The following MALRD1 variants were observed in gnomAD, a reference collection of about 807,000 sequenced individuals.
MALRD1 encodes MAM and LDL receptor class A domain containing 1, also known as MAM and LDL-receptor class A domain-containing protein 1.
MALRD1 carries 247 observed loss-of-function variants against 242.1 expected under a neutral mutation model. The observed-to-expected ratio is 1.02, with a 90% confidence interval of 0.92 to 1.13. The LOEUF (loss-of-function observed/expected upper bound fraction) is 1.13, where lower values mean the gene tolerates loss of function less well. MALRD1 is among the 50% of genes most tolerant of loss of function. The probability of loss-of-function intolerance (pLI) is 0.00; values close to 1 mark genes in which losing one functional copy is unlikely to be tolerated. For missense variants in MALRD1, 2,989 were observed against 2,533.1 expected, an observed-to-expected ratio of 1.18 and a Z score of -3.86; for synonymous variants, 995 against 866.6, an observed-to-expected ratio of 1.15 and a Z score of -2.60.
intron 5 of MALRD1, among the ~76,000 whole-genome samples, chr10:19,112,343 A>G (rs1007590205): frequency 6.6e-6 from 1 of 151,982 alleles, no homozygotes; most frequent in African/African-American, 2.4e-5. Context: ...GGAGCATCGG[A>G]GACATGCCGT....
At chr10:19,651,593 G>T (rs758379663) in intron 36 of MALRD1, among the ~76,000 whole-genome samples, 6 of 152,140 alleles carry the variant, frequency 3.9e-5, no homozygotes, top group Non-Finnish European at 5.9e-5. Flanking sequence ...GCATTATTAT[G>T]TACAAGGACC....
intron 14 of MALRD1, among the ~76,000 whole-genome samples, chr10:19,178,514 G>A (rs1835354981): frequency 6.6e-6 from 1 of 152,090 alleles, no homozygotes; most frequent in African/African-American, 2.4e-5. Context: ...TCTTTAACAG[G>A]CATACAAATG....
intron 31 of MALRD1, among the ~76,000 whole-genome samples, chr10:19,524,694 A>G (rs1287006944): frequency 2.0e-5 from 3 of 151,070 alleles, no homozygotes; most frequent in African/African-American, 7.4e-5. Flanking sequence ...TTTAAAAACT[A>G]TTAGCCAGCT....
intron 28 of MALRD1, among the ~76,000 whole-genome samples, chr10:19,441,362 AT>A (rs1284088900): frequency 3.9e-5 from 6 of 152,024 alleles, no homozygotes; most frequent in Admixed American, 6.6e-5. Flanking sequence ...CCATTTGTCA[AT>A]TTTGGCTTTT....
chr10:19,146,167 C>G, intron 10 of MALRD1, 31 bp from the exon 11 acceptor site: 4 of 1,231,314 alleles, frequency 3.2e-6, no homozygotes, highest in Non-Finnish European at 4.1e-6. Flanking sequence ...CTTCATTTCT[C>G]CTCACCTGTT....
At chr10:19,347,062 T>C (rs1022713977) in intron 24 of MALRD1, among the ~76,000 whole-genome samples, 97 of 152,270 alleles carry the variant, frequency 6.4e-4, no homozygotes, top group African/African-American at 2.3e-3. Flanking sequence ...CAATGCTCAG[T>C]TTTATAACAT....
chr10:19,397,636 T>A (rs1846641343), intron 28 of MALRD1, among the ~76,000 whole-genome samples: 1 of 152,108 alleles, frequency 6.6e-6, no homozygotes, highest in African/African-American at 2.4e-5. Context: ...TAGCTCTGTT[T>A]AAATTTTTTT....
At chr10:19,297,496 AT>A (rs1158767721) in intron 21 of MALRD1, among the ~76,000 whole-genome samples, 2 of 151,860 alleles carry the variant, frequency 1.3e-5, no homozygotes, top group African/African-American at 4.8e-5. Flanking sequence ...AAGAGTATAG[AT>A]CATCATGGCT....
chr10:19,627,903 C>T (rs1044381116), intron 36 of MALRD1, among the ~76,000 whole-genome samples: 1 of 151,014 alleles, frequency 6.6e-6, no homozygotes, highest in African/African-American at 2.4e-5. Context: ...ATAAACTAGA[C>T]ACACATTATT....
At chr10:19,532,783 G>C (rs1834482963) in intron 32 of MALRD1, among the ~76,000 whole-genome samples, 1 of 152,072 alleles carries the variant, frequency 6.6e-6, no homozygotes, top group Non-Finnish European at 1.5e-5. Flanking sequence ...TAAAACAACA[G>C]AGAAAGAGGT....
At chr10:19,255,124 C>T (rs541260710) in intron 18 of MALRD1, among the ~76,000 whole-genome samples, 2 of 151,938 alleles carry the variant, frequency 1.3e-5, no homozygotes, top group Non-Finnish European at 2.9e-5. Context: ...CTTGGATGAG[C>T]TGGTTTACTT....
At chr10:19,235,352 T>G (rs72788021) in intron 18 of MALRD1, among the ~76,000 whole-genome samples, 11,886 of 150,522 alleles carry the variant, frequency 0.079, 607 homozygotes, top group Non-Finnish European at 0.11. Flanking sequence ...TTGATTTGCA[T>G]TTTTCTGATG....
chr10:19,260,243 T>C (rs1337331194), intron 19 of MALRD1, among the ~76,000 whole-genome samples: 1 of 152,068 alleles, frequency 6.6e-6, no homozygotes, highest in African/African-American at 2.4e-5. Context: ...AGCGTGTAGG[T>C]TGGCATAGAG....
chr10:19,109,936 G>C (rs1223569104), intron 5 of MALRD1, among the ~76,000 whole-genome samples: 1 of 152,334 alleles, frequency 6.6e-6, no homozygotes, highest in African/African-American at 2.4e-5. Context: ...GATGGGGGAT[G>C]CTGGGGGCCT....
chr10:19,355,981 C>T (rs1844620302), intron 26 of MALRD1, among the ~76,000 whole-genome samples: 1 of 149,594 alleles, frequency 6.7e-6, no homozygotes, highest in Non-Finnish European at 1.5e-5. Flanking sequence ...ATATAAGTCA[C>T]TCTAAATATT....
intron 19 of MALRD1, among the ~76,000 whole-genome samples, chr10:19,279,332 AC>A (rs1362073635): frequency 1.3e-5 from 2 of 152,212 alleles, no homozygotes; most frequent in African/African-American, 4.8e-5. Context: ...AGGGGCTCAC[AC>A]AACCCGTTCT....
intron 38 of MALRD1, among the ~76,000 whole-genome samples, chr10:19,697,530 G>T (rs1201939925): frequency 6.6e-6 from 1 of 152,112 alleles, no homozygotes; most frequent in Non-Finnish European, 1.5e-5. Context: ...GCCTAGCCAA[G>T]TTAACACAAA....
intron 2 of MALRD1, among the ~76,000 whole-genome samples, chr10:19,074,398 G>A (rs1056882145): frequency 6.6e-6 from 1 of 152,078 alleles, no homozygotes; most frequent in Non-Finnish European, 1.5e-5. Context: ...TCATTGTTAA[G>A]CTAATAATGC....
chr10:19,328,630 G>A (rs1479245427), intron 23 of MALRD1, among the ~76,000 whole-genome samples: 2 of 152,054 alleles, frequency 1.3e-5, no homozygotes, highest in Non-Finnish European at 2.9e-5. Context: ...GGAGTATACA[G>A]GCTTCCATTG....
Sources: gnomAD v4.1 joint callset for allele counts (sites outside exome capture counted in the v4.1 genomes callset) on GRCh38, gnomAD v4.1.1 for gene constraint, MANE v1.5 for transcripts, NCBI Gene and HGNC (gene_info 2026-07-23, HGNC 2026-07-21) for gene names.